Variants in DOCK8 observed in about 807,000 individuals in gnomAD.
DOCK8 encodes dedicator of cytokinesis 8.
In DOCK8, 141 loss-of-function variants were observed where a neutral mutation model predicts 245.6. The ratio of observed to expected loss-of-function variants is 0.57; its 90% CI spans 0.50 to 0.66. The LOEUF is 0.66. Among genes scored for constraint, DOCK8 ranks in the 30% least tolerant of loss-of-function variants. The pLI is 0.00. For synonymous variants in DOCK8, 1,168 were observed against 970.2 expected (o/e 1.20, Z -3.79); for missense variants, 2,965 against 2,603.4 (o/e 1.14, Z -3.02).
chr9:386,180 T>C lies in DOCK8; in HGVS notation c.2779-151T>C, dbSNP rs544267575. 51 of 669,276 alleles carry C rather than the reference T, an allele frequency of 7.6e-5. No homozygotes were observed. The African/African-American group carries it at 8.3e-4, about 11-fold the overall frequency. The allele number at this position is 669,276 out of a possible 1,614,324, so 41.5% of individuals were successfully genotyped here. The stretch of plus-strand genomic sequence containing the variant: ...AGGTATAACTTCACTGTCTTTGCTT[T>C]GTTTTATATTTACTTATGGCAATTG... On this transcript the variant is annotated intron_variant, in intron 22 of 47. Coordinates refer to ENST00000432829, the MANE Select transcript of DOCK8 (RefSeq NM_203447.4).
intron 5 of DOCK8, among the ~76,000 whole-genome samples, chr9:310,642 G>T (rs1586667125): frequency 6.6e-6 from 1 of 152,124 alleles, no homozygotes; most frequent in African/African-American, 2.4e-5. Flanking sequence ...TGTATTTTTA[G>T]TAGCGATGGG....
intron 1 of DOCK8, among the ~76,000 whole-genome samples, chr9:263,193 G>A (rs1330201358): frequency 6.8e-6 from 1 of 147,552 alleles, no homozygotes; most frequent in Non-Finnish European, 1.5e-5. Context: ...GGTGACAGAG[G>A]GAGATTCCAT....
intron 1 of DOCK8, among the ~76,000 whole-genome samples, chr9:216,227 A>G (rs1023663028): frequency 1.3e-5 from 2 of 152,096 alleles, no homozygotes; most frequent in African/African-American, 4.8e-5. Context: ...GCCAAAAGGT[A>G]CTAGTCAAAA....
rs182516558 is a variant in DOCK8 at position 422,053 on chromosome 9, G to A, written c.4159G>A (p.Asp1387Asn). ...EMMRRRAPGN[D>N]RFPGLNENLR... Reference sequence around the variant, plus strand: ...ATGCATTTCTTAACTCCTAGGGAACGACCGATTTCCAGGCCTAAATGAAAA... The same window carrying A: ...ATGCATTTCTTAACTCCTAGGGAACAACCGATTTCCAGGCCTAAATGAAAA... Residue 1387 changes from aspartate to asparagine, a missense_variant, in exon 33 of 48, where the codon GAC becomes AAC. By Grantham distance (23) the Asp-to-Asn change is conservative. This residue lies in a region of DOCK8 where 2,825 missense variants were observed against 2,453.5 expected (regional missense o/e 1.15). Transcript: ENST00000432829. The A allele has an allele frequency of 3.1e-6, 5 of 1,613,716 alleles. No individual in the cohort carries two copies. The highest frequency in any genetic ancestry group is 2.7e-5 in the African/African-American group (2 of 74,912).
intron 9 of DOCK8, among the ~76,000 whole-genome samples, chr9:330,908 G>T (rs1162675112): frequency 1.3e-5 from 2 of 152,110 alleles, no homozygotes; most frequent in Non-Finnish European, 2.9e-5. Flanking sequence ...CTGCAGCCAG[G>T]GCATAGTATC....
intron 34 of DOCK8, 57 bp from the exon 35 acceptor site, chr9:428,305 A>G: frequency 6.2e-7 from 1 of 1,612,882 alleles, no homozygotes; most frequent in Non-Finnish European, 8.5e-7. Context: ...TGTCAGGAAC[A>G]TCCAGTTCAT....
At chr9:301,921 CAA>C (rs990164063) in intron 4 of DOCK8, among the ~76,000 whole-genome samples, 1 of 151,728 alleles carries the variant, frequency 6.6e-6, no homozygotes. Context: ...CCATAGTGCC[CAA>C]AGAGATTTTT....
At chr9:254,351 G>T (rs1176866908) in intron 1 of DOCK8, among the ~76,000 whole-genome samples, 1 of 152,126 alleles carries the variant, frequency 6.6e-6, no homozygotes, top group Non-Finnish European at 1.5e-5. Context: ...TTGCTATCTC[G>T]TTACTGGCCA....
chr9:409,991 T>C (rs753903927), intron 28 of DOCK8, among the ~76,000 whole-genome samples: 6 of 152,180 alleles, frequency 3.9e-5, no homozygotes, highest in Non-Finnish European at 8.8e-5. Flanking sequence ...TTGTGAATAG[T>C]GCCGCAATAA....
intron 24 of DOCK8, among the ~76,000 whole-genome samples, chr9:392,103 A>C (rs1255387770): frequency 1.3e-5 from 2 of 151,400 alleles, no homozygotes; most frequent in Non-Finnish European, 2.9e-5. Context: ...GCGCCATTGC[A>C]CTGCAGCCTG....
intron 5 of DOCK8, among the ~76,000 whole-genome samples, chr9:310,461 A>G (rs563195207): frequency 1.3e-5 from 2 of 152,270 alleles, no homozygotes; most frequent in East Asian, 3.9e-4. Context: ...ACAATAATTT[A>G]TTTACTTATT....
At chr9:423,685 A>G (rs1342675573) in intron 33 of DOCK8, among the ~76,000 whole-genome samples, 2 of 152,162 alleles carry the variant, frequency 1.3e-5, no homozygotes, top group African/African-American at 4.8e-5. Flanking sequence ...TGCTTTGGGT[A>G]TGTTATTCTT....
intron 45 of DOCK8, among the ~76,000 whole-genome samples, 172 bp from the exon 46 acceptor site, chr9:451,839 A>G (rs996717286): frequency 3.3e-5 from 5 of 150,140 alleles, no homozygotes; most frequent in Non-Finnish European, 7.4e-5. Context: ...TTTCCTTCAT[A>G]TATGTATGAA....
At chr9:372,061 C>A in intron 17 of DOCK8, 124 bp from the exon 18 acceptor site, 1 of 848,926 alleles carries the variant, frequency 1.2e-6, no homozygotes, top group Non-Finnish European at 1.9e-6. Context: ...AAATTACTGC[C>A]AAAAAGAGTA....
chr9:341,728 C>A (rs1340823488), intron 14 of DOCK8, among the ~76,000 whole-genome samples: 2 of 152,228 alleles, frequency 1.3e-5, no homozygotes, highest in African/African-American at 4.8e-5. Flanking sequence ...ACCCCCGGGC[C>A]ATAGACCATT....
At chr9:332,511 A>G (rs939886535) in intron 10 of DOCK8, 33 bp downstream of exon 10, 11 of 1,475,752 alleles carry the variant, frequency 7.5e-6, no homozygotes, top group Non-Finnish European at 1.0e-5. Flanking sequence ...AAATGGAGAC[A>G]TCTTAGAAGA....
intron 5 of DOCK8, among the ~76,000 whole-genome samples, chr9:305,583 C>T (rs1007694282): frequency 1.3e-5 from 2 of 152,134 alleles, no homozygotes; most frequent in Non-Finnish European, 2.9e-5. Context: ...CCACGCCTGG[C>T]CAGTTGTCAT....
chr9:327,258 A>T (rs1034065714), intron 8 of DOCK8, among the ~76,000 whole-genome samples: 1 of 152,192 alleles, frequency 6.6e-6, no homozygotes, highest in Non-Finnish European at 1.5e-5. Flanking sequence ...TGCTGCTTCC[A>T]TGAAAAGTTG....
intron 15 of DOCK8, chr9:369,297 G>A (rs956877411): frequency 6.6e-6 from 1 of 152,286 alleles, no homozygotes; most frequent in African/African-American, 2.4e-5. Flanking sequence ...AGGAGTGCCA[G>A]ATATGCTTGT....
Sources: gnomAD v4.1 joint callset for allele counts (sites outside exome capture counted in the v4.1 genomes callset) on GRCh38, gnomAD v4.1.1 for gene constraint, gnomAD v4.1.1 regional missense constraint, MANE v1.5 for transcripts, NCBI Gene and HGNC (gene_info 2026-07-23, HGNC 2026-07-21) for gene names.